Variants in DPY19L2 observed in about 807,000 individuals in gnomAD.
DPY19L2 encodes the protein dpy-19 like 2, also known as probable C-mannosyltransferase DPY19L2.
Under a neutral mutation model 97.9 loss-of-function variants are expected in DPY19L2, and 34 were observed. The ratio of observed to expected loss-of-function variants is 0.35; its 90% CI spans 0.26 to 0.46. The LOEUF is 0.46. Among genes scored for constraint, DPY19L2 ranks in the 20% least tolerant of loss-of-function variants. The pLI is 1.00. For synonymous variants in DPY19L2, 230 were observed against 307.9 expected (o/e 0.75, Z 2.65); for missense variants, 623 against 911.4 (o/e 0.68, Z 4.07).
intron 15 of DPY19L2, among the ~76,000 whole-genome samples, 174 bp downstream of exon 15, chr12:63,595,792 T>C (rs1279987572): frequency 6.6e-6 from 1 of 152,106 alleles, no homozygotes; most frequent in East Asian, 1.9e-4. Context: ...AAAATAAGAA[T>C]ACCTTTTATC....
chr12:63,580,843 C>A lies in DPY19L2; in HGVS notation c.1726-7G>T, dbSNP rs1310810690. 1.9e-6 allele frequency: 3 copies of A among 1,609,214 alleles called. No individual in the cohort carries two copies. Among genetic ancestry groups the A allele is most frequent in the African/African-American group, 2.7e-5 (2 of 74,490 alleles). Reference sequence around the variant, plus strand: ...GAAAAAGCCAGCCAAAGAGCTGAAACGAAAGAAACCGTTTATTTCTAGTTC... The same window carrying A: ...GAAAAAGCCAGCCAAAGAGCTGAAAAGAAAGAAACCGTTTATTTCTAGTTC... On this transcript the variant is annotated splice_polypyrimidine_tract_variant and splice_region_variant and intron_variant, in intron 18 of 21. Transcript: ENST00000324472.
intron 4 of DPY19L2, among the ~76,000 whole-genome samples, chr12:63,654,215 G>A (rs1220247412): frequency 1.3e-5 from 2 of 151,954 alleles, no homozygotes; most frequent in African/African-American, 2.4e-5. Flanking sequence ...TGTGTAAAAC[G>A]AGTTTAAAAT....
chr12:63,603,713 A>T (rs997719080), intron 12 of DPY19L2, among the ~76,000 whole-genome samples: 3 of 152,150 alleles, frequency 2.0e-5, no homozygotes, highest in African/African-American at 7.2e-5. Context: ...ATTTCTTTTT[A>T]TGACTGCATA....
At chr12:63,660,813 C>G (rs1206269072) in intron 4 of DPY19L2, 1 of 152,118 alleles carries the variant, frequency 6.6e-6, no homozygotes, top group Non-Finnish European at 1.5e-5. Context: ...ATCTTGAGTT[C>G]ACAAACTGAG....
chr12:63,641,063 TTTG>T (rs952837053), intron 6 of DPY19L2, among the ~76,000 whole-genome samples: 14 of 151,826 alleles, frequency 9.2e-5, no homozygotes, highest in African/African-American at 2.9e-4. Context: ...CGGCTAATTT[TTTG>T]TTGTTGTTGT....
At chr12:63,563,673 C>G (rs1242427085) in intron 21 of DPY19L2, among the ~76,000 whole-genome samples, 1 of 152,086 alleles carries the variant, frequency 6.6e-6, no homozygotes, top group Non-Finnish European at 1.5e-5. Context: ...TGCAATTTTA[C>G]TTAAAAATTT....
intron 16 of DPY19L2, among the ~76,000 whole-genome samples, chr12:63,593,418 A>C (rs1309763598): frequency 1.3e-5 from 2 of 152,162 alleles, no homozygotes; most frequent in Non-Finnish European, 2.9e-5. Flanking sequence ...AGACTGGATT[A>C]AGAAAATGTG....
intron 3 of DPY19L2, among the ~76,000 whole-genome samples, chr12:63,662,165 T>C (rs1248924306): frequency 2.6e-5 from 4 of 152,176 alleles, no homozygotes; most frequent in African/African-American, 9.7e-5. Flanking sequence ...AACAGCATAT[T>C]GTGTCTAGTT....
chr12:63,641,215 CT>C (rs961929376), intron 6 of DPY19L2, among the ~76,000 whole-genome samples: 22 of 151,964 alleles, frequency 1.4e-4, no homozygotes, highest in Non-Finnish European at 2.6e-4. Context: ...AAAAACAGAA[CT>C]TTTTTAAAAA....
At chr12:63,592,483 C>T (rs9738751) in intron 16 of DPY19L2, among the ~76,000 whole-genome samples, 30,929 of 145,364 alleles carry the variant, frequency 0.21, 3,083 homozygotes, top group East Asian at 0.4. Flanking sequence ...GAAATAACGC[C>T]GCATATCTAC....
intron 4 of DPY19L2, among the ~76,000 whole-genome samples, chr12:63,650,358 T>C (rs1405913075): frequency 6.6e-6 from 1 of 152,118 alleles, no homozygotes; most frequent in Non-Finnish European, 1.5e-5. Context: ...TAAATCCATA[T>C]AGGAAGACGG....
intron 19 of DPY19L2, among the ~76,000 whole-genome samples, chr12:63,575,838 C>T (rs534801849): frequency 1.3e-5 from 2 of 151,896 alleles, no homozygotes; most frequent in Non-Finnish European, 2.9e-5. Flanking sequence ...GACCTGATGG[C>T]TTCACTGCTG....
At chr12:63,651,454 G>C (rs1387617782) in intron 4 of DPY19L2, among the ~76,000 whole-genome samples, 1 of 152,082 alleles carries the variant, frequency 6.6e-6, no homozygotes, top group African/African-American at 2.4e-5. Context: ...TACCAAGGGA[G>C]TAAACAGACA....
At chr12:63,665,430 G>A (rs940879252) in intron 2 of DPY19L2, among the ~76,000 whole-genome samples, 8 of 149,888 alleles carry the variant, frequency 5.3e-5, no homozygotes, top group African/African-American at 1.5e-4. Flanking sequence ...TCAAGATCAC[G>A]CCACTGCACT....
chr12:63,587,660 A>T (rs147213834), intron 16 of DPY19L2, among the ~76,000 whole-genome samples: 2,037 of 151,212 alleles, frequency 0.013, 24 homozygotes, highest in Non-Finnish European at 0.021. Context: ...GCAACCTCCA[A>T]CTCCTGGGTT....
rs1458706523 is a variant in DPY19L2, at chr12:63,624,131, C to T, written c.862G>A (p.Ala288Thr). ...GGTGGTGTCCACATCACACGGGTGG[C>T]CTGAAATCAACAAAATGCCCACTTT... ...VLCFFFNHGE[A>T]TRVMWTPPLR... Residue 288 changes from alanine to threonine, a missense_variant and splice_region_variant, in exon 8 of 22, where the codon GCC becomes ACC. Physicochemically the swap from Ala to Thr is moderately conservative, Grantham distance 58. Around this residue, in one of 6 missense-constraint regions of DPY19L2, gnomAD observed 67 missense variants for 88.0 expected, o/e 0.76. Coordinates refer to ENST00000324472, the MANE Select transcript of DPY19L2 (RefSeq NM_173812.5). 2.5e-6 allele frequency: 4 copies of T among 1,609,842 alleles called. No homozygotes were observed. Among genetic ancestry groups the T allele is most frequent in the Non-Finnish European group, 3.4e-6 (4 of 1,178,204 alleles).
intron 13 of DPY19L2, among the ~76,000 whole-genome samples, chr12:63,599,095 C>A (rs1884711000): frequency 1.3e-5 from 2 of 151,600 alleles, no homozygotes; most frequent in Non-Finnish European, 2.9e-5. Flanking sequence ...ATCGCTTGAG[C>A]CCAGGAGATG....
chr12:63,620,624 T>C (rs1052042576), intron 9 of DPY19L2, among the ~76,000 whole-genome samples: 3 of 152,216 alleles, frequency 2.0e-5, no homozygotes, highest in African/African-American at 7.2e-5. Context: ...TATTCCCTAT[T>C]TTGAAAATCT....
rs1214800953 is a variant in DPY19L2, at chr12:63,642,741, C to T, written c.803+1662G>A. Among the ~76,000 whole-genome samples, 3 of 151,770 alleles carry T rather than the reference C, an allele frequency of 2.0e-5. No homozygotes were observed. The East Asian group carries it at 5.8e-4, about 29-fold the overall frequency. On this transcript the variant is annotated intron_variant, in intron 6 of 21. Transcript: ENST00000324472. ...AGCAACAATTGATAGTGCAAATCCTCCTTTTTCAAGAATACCTTGACTGTA... is the reference window on the plus strand; with the variant it reads ...AGCAACAATTGATAGTGCAAATCCTTCTTTTTCAAGAATACCTTGACTGTA...
Sources: gnomAD v4.1 joint callset for allele counts (sites outside exome capture counted in the v4.1 genomes callset) on GRCh38, gnomAD v4.1.1 for gene constraint, gnomAD v4.1.1 regional missense constraint, MANE v1.5 for transcripts, NCBI Gene and HGNC (gene_info 2026-07-23, HGNC 2026-07-21) for gene names.